The following TXNRD1 variants were observed in gnomAD, a reference collection of about 807,000 sequenced individuals.
TXNRD1 encodes thioredoxin reductase 1, also known as thioredoxin reductase 1, cytoplasmic.
TXNRD1 carries 57 observed loss-of-function variants against 80.3 expected under a neutral mutation model. The ratio of observed to expected loss-of-function variants is 0.71; its 90% CI spans 0.57 to 0.89. The LOEUF is 0.89. Among genes scored for constraint, TXNRD1 ranks in the 40% least tolerant of loss-of-function variants. The probability of loss-of-function intolerance (pLI) is 0.00; values close to 1 mark genes in which losing one functional copy is unlikely to be tolerated. For missense variants in TXNRD1, 730 were observed against 803.0 expected, an observed-to-expected ratio of 0.91 and a Z score of 1.10; for synonymous variants, 291 against 285.2, an observed-to-expected ratio of 1.02 and a Z score of -0.20.
chr12:104,265,265 A>C (rs959832669), intron 3 of TXNRD1: 8 of 1,525,310 alleles, frequency 5.2e-6, no homozygotes, highest in Non-Finnish European at 7.1e-6. Context: ...AAAAAAAAAA[A>C]AAAACTTCCT....
rs1377856903 is a variant in TXNRD1, at chr12:104,318,972, T to G, written c.790T>G (p.Trp264Gly). 3 of 1,613,986 alleles carry G rather than the reference T, an allele frequency of 1.9e-6. No individual in the cohort carries two copies. Among genetic ancestry groups the G allele is most frequent in the Non-Finnish European group, 2.5e-6 (3 of 1,179,864 alleles). ...ACAGAATCACATTGGCTCTTTGAAT[T>G]GGGGCTACCGAGTAGCTCTGCGGGA... ...AVQNHIGSLNWGYRVALREKK... is the reference protein window; with the variant it reads ...AVQNHIGSLNGGYRVALREKK... Residue 264 changes from tryptophan to glycine, a missense_variant, in exon 8 of 17, where the codon TGG becomes GGG. By Grantham distance (184) the Trp-to-Gly change is radical. Transcript: ENST00000525566.
chr12:104,329,570 AC>A (rs1227643724), intron 13 of TXNRD1, among the ~76,000 whole-genome samples: 1 of 152,010 alleles, frequency 6.6e-6, no homozygotes, highest in African/African-American at 2.4e-5. Flanking sequence ...AATCACCCGA[AC>A]TTGGGAGGTG....
intron 3 of TXNRD1, among the ~76,000 whole-genome samples, chr12:104,273,052 A>C (rs1290760039): frequency 6.6e-6 from 1 of 152,150 alleles, no homozygotes; most frequent in African/African-American, 2.4e-5. Context: ...CTGCGAAAGA[A>C]GCCGCCATGT....
At chr12:104,272,469 A>G (rs2033671358) in intron 3 of TXNRD1, among the ~76,000 whole-genome samples, 1 of 152,152 alleles carries the variant, frequency 6.6e-6, no homozygotes, top group African/African-American at 2.4e-5. Context: ...GTACTCGAAA[A>G]GGTTGCTTTA....
chr12:104,333,348 A>G (rs1176250528), intron 14 of TXNRD1, among the ~76,000 whole-genome samples: 1 of 152,092 alleles, frequency 6.6e-6, no homozygotes, highest in Non-Finnish European at 1.5e-5. Context: ...GTTATTATAG[A>G]AGTATAACGT....
intron 7 of TXNRD1, among the ~76,000 whole-genome samples, chr12:104,317,346 G>A (rs1177016776): frequency 2.0e-5 from 3 of 147,624 alleles, no homozygotes; most frequent in Non-Finnish European, 4.4e-5. Context: ...AACCATAACC[G>A]CAGTGGCATC....
At chr12:104,278,754 G>GC (rs1174252562) in intron 3 of TXNRD1, among the ~76,000 whole-genome samples, 1 of 151,816 alleles carries the variant, frequency 6.6e-6, no homozygotes, top group Non-Finnish European at 1.5e-5. Flanking sequence ...GCCCGCCTCG[G>GC]CCTCCCAAAG....
At chr12:104,281,642 G>C (rs1309534229) in intron 3 of TXNRD1, among the ~76,000 whole-genome samples, 2 of 151,636 alleles carry the variant, frequency 1.3e-5, no homozygotes, top group Non-Finnish European at 1.5e-5. Flanking sequence ...TCCTGACCTC[G>C]TGATCCGCCC....
At chr12:104,329,925 C>T (rs1173023398) in intron 13 of TXNRD1, among the ~76,000 whole-genome samples, 1 of 152,196 alleles carries the variant, frequency 6.6e-6, no homozygotes, top group Non-Finnish European at 1.5e-5. Context: ...GGACTCATCT[C>T]ATTTGTTTCC....
At chr12:104,226,502 G>A (rs997141857) in intron 1 of TXNRD1, among the ~76,000 whole-genome samples, 4 of 152,112 alleles carry the variant, frequency 2.6e-5, no homozygotes, top group African/African-American at 9.7e-5. Flanking sequence ...TCTTTACAGA[G>A]ATCTCCTGTT....
At chr12:104,217,375 A>G (rs1165605790) in intron 1 of TXNRD1, among the ~76,000 whole-genome samples, 1 of 145,644 alleles carries the variant, frequency 6.9e-6, no homozygotes, top group Non-Finnish European at 1.5e-5. Flanking sequence ...CAATGGCGCC[A>G]TCTTGGCTCA....
chr12:104,277,879 C>CT (rs140314717), intron 3 of TXNRD1, among the ~76,000 whole-genome samples: 48,245 of 141,656 alleles, frequency 0.34, 8,735 homozygotes, highest in Non-Finnish European at 0.4. Flanking sequence ...TGGCAAGATT[C>CT]TTTTTTTTTT....
At chr12:104,328,359 C>T (rs2035837328) in intron 13 of TXNRD1, among the ~76,000 whole-genome samples, 1 of 152,018 alleles carries the variant, frequency 6.6e-6, no homozygotes, top group Non-Finnish European at 1.5e-5. Context: ...CTTTTTATGG[C>T]ACTTATCTAG....
chr12:104,227,327 T>C (rs537972585), intron 1 of TXNRD1, among the ~76,000 whole-genome samples: 13 of 152,294 alleles, frequency 8.5e-5, no homozygotes, highest in African/African-American at 3.1e-4. Context: ...AATGGTGTAA[T>C]TATAGCTCAC....
At chr12:104,258,155 T>G (rs750682628) in intron 3 of TXNRD1, 76 bp downstream of exon 3, 6 of 1,182,572 alleles carry the variant, frequency 5.1e-6, no homozygotes, top group Non-Finnish European at 7.2e-6. Flanking sequence ...TGGCTTTAAT[T>G]TGTCTTCCTT....
At chr12:104,280,319 A>T (rs1393991379) in intron 3 of TXNRD1, 1 of 152,078 alleles carries the variant, frequency 6.6e-6, no homozygotes, top group Non-Finnish European at 1.5e-5. Flanking sequence ...GAAATAGTTG[A>T]TCTTCCTTTT....
intron 6 of TXNRD1, 87 bp from the exon 7 acceptor site, chr12:104,315,690 G>T: frequency 1.4e-6 from 2 of 1,410,688 alleles, no homozygotes; most frequent in South Asian, 1.3e-5. Context: ...ATATTTCTTA[G>T]AGTTGTAATA....
At chr12:104,297,912 G>A (rs775982857) in intron 4 of TXNRD1, among the ~76,000 whole-genome samples, 4 of 152,078 alleles carry the variant, frequency 2.6e-5, no homozygotes, top group African/African-American at 7.2e-5. Context: ...GGAGGCTCTC[G>A]TAACCTGAAA....
At chr12:104,271,301 T>A (rs1188183666) in intron 3 of TXNRD1, among the ~76,000 whole-genome samples, 1 of 150,110 alleles carries the variant, frequency 6.7e-6, no homozygotes, top group Non-Finnish European at 1.5e-5. Flanking sequence ...TTCTCCTGCC[T>A]CAGCCTCCTG....
Sources: gnomAD v4.1 joint callset for allele counts (sites outside exome capture counted in the v4.1 genomes callset) on GRCh38, gnomAD v4.1.1 for gene constraint, MANE v1.5 for transcripts, NCBI Gene and HGNC (gene_info 2026-07-23, HGNC 2026-07-21) for gene names.